The following KYAT1 variants were observed in gnomAD, a reference collection of about 807,000 sequenced individuals.
The protein encoded by KYAT1 is kynurenine--oxoglutarate transaminase 1.
Under a neutral mutation model 52.4 loss-of-function variants are expected in KYAT1, and 47 were observed. The ratio of observed to expected loss-of-function variants is 0.90; its 90% CI spans 0.71 to 1.14. The LOEUF (loss-of-function observed/expected upper bound fraction) is 1.14, where lower values mean the gene tolerates loss of function less well. KYAT1 is among the 50% of genes most tolerant of loss of function. The pLI is 0.00. For synonymous variants in KYAT1, 212 were observed against 209.6 expected, an observed-to-expected ratio of 1.01 and a Z score of -0.10; for missense variants, 480 against 557.9, an observed-to-expected ratio of 0.86 and a Z score of 1.41.
Position 128,836,926 on chromosome 9 carries a change from C to T in KYAT1, c.568-4G>A, listed in dbSNP as rs1831229775. On this transcript the variant is annotated splice_region_variant and splice_polypyrimidine_tract_variant and intron_variant, in intron 6 of 12. Coordinates refer to ENST00000302586, the MANE Select transcript of KYAT1 (RefSeq NM_004059.5). ...CCAGCTCTTCCCTGGAGAACACCTGCAGATGCCCAAGGAGAGCACAGACCT... is the reference window on the plus strand; with the variant it reads ...CCAGCTCTTCCCTGGAGAACACCTGTAGATGCCCAAGGAGAGCACAGACCT... 1 of 1,610,630 alleles carries T rather than the reference C, an allele frequency of 6.2e-7. No individual in the cohort carries two copies.
intron 1 of KYAT1, among the ~76,000 whole-genome samples, chr9:128,871,410 A>G (rs938498136): frequency 1.3e-5 from 2 of 152,068 alleles, no homozygotes; most frequent in African/African-American, 4.8e-5. Context: ...ATTGTAGAGA[A>G]AGCTGGATGT....
chr9:128,867,253 C>T (rs1458252896), intron 1 of KYAT1, among the ~76,000 whole-genome samples: 1 of 152,178 alleles, frequency 6.6e-6, no homozygotes, highest in Non-Finnish European at 1.5e-5. Context: ...AATTATGGCT[C>T]ATTGCAGCTT....
At chr9:128,838,468 G>A (rs1831544025) in intron 3 of KYAT1, 101 bp from the exon 4 acceptor site, 2 of 1,427,888 alleles carry the variant, frequency 1.4e-6, no homozygotes, top group East Asian at 4.7e-5. Flanking sequence ...GCAGGCCTGG[G>A]GGCAAAGTCA....
At chr9:128,847,645 T>TAACAACAACAACAAC in intron 1 of KYAT1, 1 of 574,280 alleles carries the variant, frequency 1.7e-6, no homozygotes, top group East Asian at 2.9e-5. Context: ...CACACAGCTC[T>TAACAACAACAACAAC]AACAATAACA....
At chr9:128,836,732 T>TGACTCTCAGGTGGGGTC in intron 7 of KYAT1, 70 bp downstream of exon 7, 1 of 1,566,530 alleles carries the variant, frequency 6.4e-7, no homozygotes, top group Non-Finnish European at 8.7e-7. Context: ...AGGCCTGCGC[T>TGACTCTCAGGTGGGGTC]GACTCTCAGG....
intron 7 of KYAT1, 131 bp downstream of exon 7, chr9:128,836,671 G>T: frequency 9.5e-7 from 1 of 1,050,814 alleles, no homozygotes; most frequent in Non-Finnish European, 1.4e-6. Flanking sequence ...TACTCTGGGA[G>T]GCAAAGGTCA....
rs1008003230 is a variant in KYAT1 at position 128,846,433 on chromosome 9, AAAAC to A, written c.-6-1026_-6-1023del. On this transcript the variant is annotated intron_variant, in intron 1 of 12. Transcript: ENST00000302586. ...CATTAGAGTGAAACTCAGTCTGGGA[AAAAC>A]AAACAAAGAAACTTATCTGGGCGTC... Among the ~76,000 whole-genome samples the A allele has an allele frequency of 9.2e-5, 14 of 151,866 alleles. No homozygotes were observed. The East Asian group carries it at 1.4e-3, about 15-fold the overall frequency.
Position 128,837,751 on chromosome 9 carries a change from C to T in KYAT1, c.501G>A (p.Leu167=). The stretch of plus-strand genomic sequence containing the variant: ...TGGTGCGTGATGTGAATTTGCCGGC[C>T]AGCTCCATGGGGTCCAGCTGCCAGT... ...SSNWQLDPME[L]AGKFTSRTKA... The change falls in exon 6 of 13, where the codon CTG becomes CTA. Residue 167 remains leucine, a synonymous_variant. Coordinates refer to ENST00000302586, the MANE Select transcript of KYAT1 (RefSeq NM_004059.5). 6.2e-7 allele frequency: 1 copy of T among 1,614,096 alleles called. No individual in the cohort carries two copies. The highest frequency in any genetic ancestry group is 8.5e-7 in the Non-Finnish European group (1 of 1,180,004).
intron 1 of KYAT1, among the ~76,000 whole-genome samples, chr9:128,867,771 G>T (rs1836609274): frequency 7.0e-6 from 1 of 143,680 alleles, no homozygotes; most frequent in Non-Finnish European, 1.5e-5. Context: ...TATTGCAAAG[G>T]TTTTTTTGTT....
rs1014107767 is a variant in KYAT1, at chr9:128,836,754, C to T, written c.688+48G>A. On this transcript the variant is annotated intron_variant, in intron 7 of 12. Coordinates refer to ENST00000302586, the MANE Select transcript of KYAT1 (RefSeq NM_004059.5). Reference sequence around the variant, plus strand: ...CGCTGACTCTCAGGTGGGGTCAAGGCCCTCCCACCAATGTGCAGGGGAGGG... The same window carrying T: ...CGCTGACTCTCAGGTGGGGTCAAGGTCCTCCCACCAATGTGCAGGGGAGGG... 10 of 1,597,748 alleles carry T rather than the reference C, an allele frequency of 6.3e-6. No individual in the cohort carries two copies. In the Admixed American group the frequency reaches 8.5e-5, roughly 14 times the overall value.
chr9:128,843,178 A>G (rs1207064060), intron 2 of KYAT1, among the ~76,000 whole-genome samples: 1 of 152,082 alleles, frequency 6.6e-6, no homozygotes. Flanking sequence ...AAAAAAACAA[A>G]AACAAAAAAC....
intron 8 of KYAT1, 23 bp from the exon 9 acceptor site, chr9:128,835,891 G>A: frequency 6.2e-7 from 1 of 1,612,764 alleles, no homozygotes. Flanking sequence ...CGCAGGTAGG[G>A]GGAGAGGTCC....
Position 128,833,356 on chromosome 9 carries a change from C to G in KYAT1, c.*228G>C. The stretch of plus-strand genomic sequence containing the variant: ...CCCTACAAACCCACCTATGGAGGGG[C>G]AGGGAGAGGCCCAGGTCAGGCCACC... On this transcript the variant is annotated 3_prime_UTR_variant, in exon 13 of 13. Coordinates refer to ENST00000302586, the MANE Select transcript of KYAT1 (RefSeq NM_004059.5). 1.6e-6 allele frequency: 1 copy of G among 608,364 alleles called. No individual in the cohort carries two copies. Among genetic ancestry groups the G allele is most frequent in the Non-Finnish European group, 2.9e-6 (1 of 343,350 alleles). 37.7% of individuals were successfully genotyped at this position (608,364 alleles called of 1,614,324 possible).
chr9:128,867,428 C>T (rs1257344767), intron 1 of KYAT1, among the ~76,000 whole-genome samples: 1 of 152,142 alleles, frequency 6.6e-6, no homozygotes, highest in Non-Finnish European at 1.5e-5. Context: ...GTTCTCCTAC[C>T]TTGACCTCTC....
chr9:128,870,464 T>C (rs1447729174), intron 1 of KYAT1, among the ~76,000 whole-genome samples: 2 of 152,076 alleles, frequency 1.3e-5, no homozygotes, highest in African/African-American at 4.8e-5. Context: ...CGGCAAAACC[T>C]TGTTTCTACA....
At chr9:128,838,180 C>T (rs199627957) in intron 4 of KYAT1, 38 bp downstream of exon 4, 683 of 1,614,166 alleles carry the variant, frequency 4.2e-4, no homozygotes, top group Admixed American at 6.3e-4. Context: ...ATGGCCCTGA[C>T]CTCTCAGTCC....
intron 1 of KYAT1, chr9:128,846,620 A>G: frequency 1.9e-6 from 2 of 1,068,812 alleles, no homozygotes; most frequent in East Asian, 2.8e-5. Flanking sequence ...AAAAAAAAAA[A>G]AAAAAGAAAG....
intron 1 of KYAT1, among the ~76,000 whole-genome samples, chr9:128,861,441 T>C (rs1226323907): frequency 1.3e-5 from 2 of 152,190 alleles, no homozygotes; most frequent in Non-Finnish European, 2.9e-5. Flanking sequence ...GATTTTAAGT[T>C]TCCTGAGGCC....
intron 1 of KYAT1, among the ~76,000 whole-genome samples, chr9:128,851,022 T>C (rs113453930): frequency 6.6e-6 from 1 of 152,300 alleles, no homozygotes; most frequent in African/African-American, 2.4e-5. Context: ...GCTCTCCTAC[T>C]GCATTCCTCT....
Sources: allele counts gnomAD v4.1 joint callset (sites outside exome capture counted in the v4.1 genomes callset), GRCh38; gene constraint gnomAD v4.1.1; transcripts MANE v1.5; gene names NCBI Gene and HGNC (gene_info 2026-07-23, HGNC 2026-07-21).